GFOD1: variants seen among roughly 807,000 people sequenced by gnomAD.
GFOD1 encodes the protein glucose-fructose oxidoreductase domain-containing protein 1.
GFOD1 carries 9 observed loss-of-function variants against 25.4 expected under a neutral mutation model. The observed-to-expected ratio is 0.35, with a 90% CI of 0.21 to 0.62. The LOEUF (loss-of-function observed/expected upper bound fraction) is 0.62, where lower values mean the gene tolerates loss of function less well. Ranked by LOEUF, GFOD1 falls within the 20% of genes least tolerant of loss-of-function variation. GFOD1 has a pLI of 0.72. For synonymous variants in GFOD1, 253 were observed against 245.6 expected (o/e 1.03, Z -0.28); for missense variants, 403 against 556.9 (o/e 0.72, Z 2.78).
At chr6:13,476,999 G>T (rs558211864) in intron 1 of GFOD1, among the ~76,000 whole-genome samples, 6 of 152,256 alleles carry the variant, frequency 3.9e-5, no homozygotes, top group African/African-American at 1.2e-4. Flanking sequence ...GAACCCAAAA[G>T]AACGCTGGCT....
At chr6:13,375,076 T>G (rs1445668159) in intron 1 of GFOD1, among the ~76,000 whole-genome samples, 1 of 152,198 alleles carries the variant, frequency 6.6e-6, no homozygotes, top group East Asian at 1.9e-4. Flanking sequence ...TTCTTTGTGT[T>G]GGGAACATTC....
At chr6:13,444,107 C>A (rs1423500569) in intron 1 of GFOD1, among the ~76,000 whole-genome samples, 1 of 152,146 alleles carries the variant, frequency 6.6e-6, no homozygotes, top group Non-Finnish European at 1.5e-5. Context: ...TGGAATCGAT[C>A]TAAATGCTCA....
chr6:13,409,345 GAGAA>G (rs767012904), intron 1 of GFOD1, among the ~76,000 whole-genome samples: 143 of 126,246 alleles, frequency 1.1e-3, no homozygotes, highest in Non-Finnish European at 1.8e-3. Context: ...AAGAGAGAGA[GAGAA>G]AGAGAGAAAG....
intron 1 of GFOD1, among the ~76,000 whole-genome samples, chr6:13,422,148 C>T (rs189640881): frequency 8.1e-4 from 124 of 152,234 alleles, no homozygotes; most frequent in African/African-American, 2.7e-3. Flanking sequence ...ACACTCTCTC[C>T]CTTTCTTCTA....
At chr6:13,398,429 T>C (rs545374089) in intron 1 of GFOD1, among the ~76,000 whole-genome samples, 2 of 152,362 alleles carry the variant, frequency 1.3e-5, no homozygotes, top group South Asian at 4.1e-4. Flanking sequence ...AGTGTACGCA[T>C]TTAGCAAAGC....
Position 13,364,710 on chromosome 6 carries a change from GAAGGCTC to G in GFOD1, c.*26_*32del. On this transcript the variant is annotated 3_prime_UTR_variant, in exon 2 of 2. Transcript: ENST00000379287. This position sits in a 1 kb window ranked among gnomAD's most constrained non-coding sequence, Gnocchi z 4.1. ...TCCCTCTCTGTGGACATCCCCTGCA[GAAGGCTC>G]AAGTCCCCGAGGTTCTCAATCTGTG... 1 of 1,564,818 alleles carries G rather than the reference GAAGGCTC, an allele frequency of 6.4e-7. No individual in the cohort carries two copies. The highest frequency in any genetic ancestry group is 8.7e-7 in the Non-Finnish European group (1 of 1,148,216).
At chr6:13,412,997 A>T (rs900010664) in intron 1 of GFOD1, among the ~76,000 whole-genome samples, 3 of 152,236 alleles carry the variant, frequency 2.0e-5, no homozygotes, top group Non-Finnish European at 4.4e-5. Context: ...TACTGTATAC[A>T]TGAGAGGCCC....
At chr6:13,410,580 GA>G (rs2127565975) in intron 1 of GFOD1, among the ~76,000 whole-genome samples, 1 of 24,986 alleles carries the variant, frequency 4.0e-5, no homozygotes, top group East Asian at 1.2e-3. Context: ...AAAGAAAGGA[GA>G]GAGAGAGAGA....
At chr6:13,456,849 G>A (rs536938215) in intron 1 of GFOD1, among the ~76,000 whole-genome samples, 1 of 152,272 alleles carries the variant, frequency 6.6e-6, no homozygotes, top group South Asian at 2.1e-4. Context: ...TTACTGAGTA[G>A]AACAGAAAGT....
At chr6:13,483,488 G>A (rs528029494) in intron 1 of GFOD1, among the ~76,000 whole-genome samples, 3 of 152,178 alleles carry the variant, frequency 2.0e-5, no homozygotes, top group Non-Finnish European at 2.9e-5. Context: ...AAGGGGAAAC[G>A]ATGACATGAC....
chr6:13,380,176 A>G (rs1785334625), intron 1 of GFOD1, among the ~76,000 whole-genome samples: 1 of 152,230 alleles, frequency 6.6e-6, no homozygotes, highest in Non-Finnish European at 1.5e-5. Context: ...GATGGGAAAG[A>G]TACAGACTCA....
At chr6:13,373,542 G>C (rs1033271704) in intron 1 of GFOD1, among the ~76,000 whole-genome samples, 23 of 152,088 alleles carry the variant, frequency 1.5e-4, no homozygotes, top group African/African-American at 5.1e-4. Context: ...AAGAAAAAAG[G>C]CAGGTCAAAG....
At chr6:13,475,816 T>C (rs953792731) in intron 1 of GFOD1, among the ~76,000 whole-genome samples, 1 of 150,810 alleles carries the variant, frequency 6.6e-6, no homozygotes, top group Admixed American at 6.6e-5. Context: ...CCCAGCTACT[T>C]GGGAGGCTGA....
At chr6:13,391,972 A>T (rs1785623331) in intron 1 of GFOD1, among the ~76,000 whole-genome samples, 1 of 152,208 alleles carries the variant, frequency 6.6e-6, no homozygotes, top group African/African-American at 2.4e-5. Context: ...AGGCCTGCCC[A>T]TGGCATAGCA....
chr6:13,394,161 T>C (rs1785679240), intron 1 of GFOD1, among the ~76,000 whole-genome samples: 1 of 152,192 alleles, frequency 6.6e-6, no homozygotes, highest in Non-Finnish European at 1.5e-5. Flanking sequence ...ATGTACCTTG[T>C]TGTTAGTCAC....
chr6:13,377,423 T>C lies in GFOD1; in HGVS notation c.254-11761A>G, dbSNP rs563332114. 2.0e-5 allele frequency among the ~76,000 whole-genome samples: 3 copies of C among 152,310 alleles called. No individual in the cohort carries two copies. The South Asian group carries it at 6.2e-4, about 32-fold the overall frequency. The stretch of plus-strand genomic sequence containing the variant: ...CATTCAGGCTGTTGGTTGAACTTGG[T>C]TCCTTGTGGCTATAGGACTGAGGTC... On this transcript the variant is annotated intron_variant, in intron 1 of 1. Transcript: ENST00000379287.
intron 1 of GFOD1, among the ~76,000 whole-genome samples, chr6:13,459,608 T>C (rs955808873): frequency 6.6e-6 from 1 of 152,032 alleles, no homozygotes; most frequent in Non-Finnish European, 1.5e-5. Context: ...AATCTACCCA[T>C]CTGACAAAGG....
intron 1 of GFOD1, among the ~76,000 whole-genome samples, chr6:13,465,691 G>A (rs946002733): frequency 5.3e-5 from 8 of 152,136 alleles, no homozygotes; most frequent in Non-Finnish European, 1.0e-4. Context: ...GAGAACCACC[G>A]TAACAAACCC....
intron 1 of GFOD1, among the ~76,000 whole-genome samples, chr6:13,426,216 G>A (rs1448897603): frequency 7.9e-5 from 12 of 152,138 alleles, no homozygotes; most frequent in Admixed American, 7.9e-4. Context: ...GCTTGGCTGT[G>A]CCTCCTAGGA....
Sources: gnomAD v4.1 joint callset for allele counts (sites outside exome capture counted in the v4.1 genomes callset) on GRCh38, gnomAD v4.1.1 for gene constraint, Gnocchi (gnomAD v3.1) non-coding constraint, MANE v1.5 for transcripts, NCBI Gene and HGNC (gene_info 2026-07-23, HGNC 2026-07-21) for gene names.